The following COL23A1 variants were observed in gnomAD, a reference collection of about 807,000 sequenced individuals.
The protein encoded by COL23A1 is collagen alpha-1(XXIII) chain.
Under a neutral mutation model 99.3 loss-of-function variants are expected in COL23A1, and 97 were observed. The ratio of observed to expected loss-of-function variants is 0.98; its 90% CI spans 0.83 to 1.16. The LOEUF is 1.16. Among genes scored for constraint, COL23A1 ranks in the 50% most tolerant of loss-of-function variants. The pLI is 0.00. For missense variants in COL23A1, 762 were observed against 757.4 expected, an observed-to-expected ratio of 1.01 and a Z score of -0.07; for synonymous variants, 320 against 308.2, an observed-to-expected ratio of 1.04 and a Z score of -0.40.
intron 2 of COL23A1, among the ~76,000 whole-genome samples, chr5:178,399,511 G>T (rs1285281525): frequency 6.6e-6 from 1 of 152,206 alleles, no homozygotes; most frequent in African/African-American, 2.4e-5. Flanking sequence ...CCGATTGCTG[G>T]GAACATGGAA....
intron 2 of COL23A1, among the ~76,000 whole-genome samples, chr5:178,483,207 A>C (rs1240010688): frequency 6.6e-6 from 1 of 152,258 alleles, no homozygotes; most frequent in African/African-American, 2.4e-5. Flanking sequence ...AGATATCTAG[A>C]GTTAAATATT....
intron 3 of COL23A1, among the ~76,000 whole-genome samples, chr5:178,294,747 C>T (rs1757652792): frequency 6.6e-6 from 1 of 152,162 alleles, no homozygotes; most frequent in African/African-American, 2.4e-5. Flanking sequence ...CAGGCTTTTC[C>T]ACCTATGGTT....
At chr5:178,368,314 C>T (rs1002020609) in intron 2 of COL23A1, among the ~76,000 whole-genome samples, 1 of 152,134 alleles carries the variant, frequency 6.6e-6, no homozygotes, top group Non-Finnish European at 1.5e-5. Context: ...GTCTTAGGCT[C>T]ACAGCAAAAT....
At chr5:178,245,594 CCATT>C (rs1764648220) in intron 25 of COL23A1, among the ~76,000 whole-genome samples, 2 of 150,884 alleles carry the variant, frequency 1.3e-5, no homozygotes, top group Admixed American at 6.6e-5. Flanking sequence ...ATTCATCCAT[CCATT>C]CACCCATCCA....
intron 2 of COL23A1, among the ~76,000 whole-genome samples, chr5:178,409,795 G>A (rs1158490842): frequency 6.6e-6 from 1 of 152,230 alleles, no homozygotes; most frequent in Non-Finnish European, 1.5e-5. Flanking sequence ...ATTTCGATCA[G>A]TGCTAAAGGA....
At position 178,572,072 on chromosome 5, in the gene COL23A1, C is replaced by CAA. The variant is rs57863132; in HGVS notation, c.295-11326_295-11325dup. On this transcript the variant is annotated intron_variant, in intron 1 of 28. Transcript: ENST00000390654. ...GACAGAGCGAGACTCTTTCTCAAAA[C>CAA]AAAAAAAAAAAAGACCTAAACTGAA... Among the ~76,000 whole-genome samples, 13 of 109,486 alleles carry CAA rather than the reference C, an allele frequency of 1.2e-4. No homozygotes were observed. The East Asian group carries it at 1.3e-3, about 11-fold the overall frequency. 71.8% of individuals were successfully genotyped at this position (109,486 alleles called of 152,430 possible).
At chr5:178,470,625 G>A (rs964505562) in intron 2 of COL23A1, among the ~76,000 whole-genome samples, 8 of 152,206 alleles carry the variant, frequency 5.3e-5, no homozygotes, top group African/African-American at 7.2e-5. Flanking sequence ...AAGCCAGCAC[G>A]TGGGTCAAAG....
intron 2 of COL23A1, among the ~76,000 whole-genome samples, chr5:178,317,436 G>T (rs1759039790): frequency 6.6e-6 from 1 of 152,226 alleles, no homozygotes; most frequent in Admixed American, 6.5e-5. Flanking sequence ...AGAATTGTTA[G>T]ATTCAGTGAG....
At chr5:178,261,644 G>A (rs1309294682) in intron 11 of COL23A1, 78 bp downstream of exon 11, 5 of 999,290 alleles carry the variant, frequency 5.0e-6, no homozygotes, top group Non-Finnish European at 8.0e-6. Context: ...GGGGGGAAGA[G>A]ACAGGAAGTG....
intron 2 of COL23A1, among the ~76,000 whole-genome samples, chr5:178,490,073 A>C (rs1757845819): frequency 6.6e-6 from 1 of 151,932 alleles, no homozygotes; most frequent in African/African-American, 2.4e-5. Flanking sequence ...GTCTCTACTA[A>C]AAATACAAAA....
At chr5:178,388,949 A>C (rs1763812506) in intron 2 of COL23A1, among the ~76,000 whole-genome samples, 1 of 152,218 alleles carries the variant, frequency 6.6e-6, no homozygotes, top group African/African-American at 2.4e-5. Flanking sequence ...AACTTCTGTG[A>C]CTGTGGAACC....
chr5:178,453,856 T>TC (rs879348448), intron 2 of COL23A1, among the ~76,000 whole-genome samples: 3 of 152,068 alleles, frequency 2.0e-5, no homozygotes, highest in Non-Finnish European at 4.4e-5. Context: ...CAAAACCTAC[T>TC]CCATGCCATG....
intron 2 of COL23A1, among the ~76,000 whole-genome samples, chr5:178,447,805 G>A (rs1767246519): frequency 6.6e-6 from 1 of 152,194 alleles, no homozygotes; most frequent in Non-Finnish European, 1.5e-5. Context: ...AGAATATGAA[G>A]GGTGTGAAGT....
chr5:178,507,123 C>T (rs1758916954), intron 2 of COL23A1, among the ~76,000 whole-genome samples: 1 of 152,178 alleles, frequency 6.6e-6, no homozygotes, highest in South Asian at 2.1e-4. Flanking sequence ...TATGTAGACA[C>T]ACTCCTATTT....
intron 2 of COL23A1, among the ~76,000 whole-genome samples, chr5:178,528,013 G>C (rs1455703633): frequency 2.0e-5 from 3 of 152,184 alleles, no homozygotes; most frequent in Non-Finnish European, 2.9e-5. Flanking sequence ...CATTCAAGGG[G>C]AAGGCCTAGA....
chr5:178,360,473 G>T (rs765326030), intron 2 of COL23A1, among the ~76,000 whole-genome samples: 166 of 148,324 alleles, frequency 1.1e-3, no homozygotes, highest in Non-Finnish European at 1.6e-3. Context: ...GGCCTCATGT[G>T]GGGGGGGATG....
chr5:178,535,334 CTT>C (rs1581585820), intron 2 of COL23A1, among the ~76,000 whole-genome samples: 1 of 152,218 alleles, frequency 6.6e-6, no homozygotes, highest in East Asian at 1.9e-4. Context: ...AGAGCCCTGG[CTT>C]CCTTATCTAC....
chr5:178,351,368 G>A (rs540326362), intron 2 of COL23A1, among the ~76,000 whole-genome samples: 25 of 152,332 alleles, frequency 1.6e-4, no homozygotes, highest in Non-Finnish European at 3.5e-4. Context: ...ACCTTTGGAT[G>A]AGCAATAACG....
chr5:178,397,235 T>G (rs1437781347), intron 2 of COL23A1, among the ~76,000 whole-genome samples: 1 of 152,124 alleles, frequency 6.6e-6, no homozygotes, highest in Non-Finnish European at 1.5e-5. Flanking sequence ...CACTCAGCAC[T>G]TCGGATACAC....
Sources: gnomAD v4.1 joint callset for allele counts (sites outside exome capture counted in the v4.1 genomes callset) on GRCh38, gnomAD v4.1.1 for gene constraint, MANE v1.5 for transcripts, NCBI Gene and HGNC (gene_info 2026-07-23, HGNC 2026-07-21) for gene names.